The following CERKL variants were observed in gnomAD, a reference collection of about 807,000 sequenced individuals.
CERKL encodes ceramide kinase-like protein.
Under a neutral mutation model 63.4 loss-of-function variants are expected in CERKL, and 61 were observed. That is an observed-to-expected ratio of 0.96 (90% CI 0.78 to 1.19). The LOEUF (loss-of-function observed/expected upper bound fraction) is 1.19, where lower values mean the gene tolerates loss of function less well. CERKL is among the 50% of genes most tolerant of loss of function. CERKL has a pLI of 0.00. For missense variants in CERKL, 675 were observed against 655.5 expected, an observed-to-expected ratio of 1.03 and a Z score of -0.33; for synonymous variants, 250 against 230.5, an observed-to-expected ratio of 1.08 and a Z score of -0.77.
At chr2:181,631,817 AGT>A (rs1686972701) in intron 1 of CERKL, among the ~76,000 whole-genome samples, 2 of 152,226 alleles carry the variant, frequency 1.3e-5, no homozygotes, top group South Asian at 2.1e-4. Context: ...GTTTATTCTG[AGT>A]TTCTCTAAAG....
At chr2:181,588,046 T>C (rs557752608) in intron 2 of CERKL, among the ~76,000 whole-genome samples, 4 of 152,320 alleles carry the variant, frequency 2.6e-5, no homozygotes, top group Non-Finnish European at 2.9e-5. Flanking sequence ...GAAATATATA[T>C]ACATTGTGAA....
intron 1 of CERKL, among the ~76,000 whole-genome samples, chr2:181,642,592 T>A (rs1687491252): frequency 6.6e-6 from 1 of 152,210 alleles, no homozygotes; most frequent in Non-Finnish European, 1.5e-5. Context: ...GATTTTCTAG[T>A]CACTGCTCTA....
At chr2:181,609,533 T>TAAAAAAAAAAAAAA (rs869037405) in intron 1 of CERKL, among the ~76,000 whole-genome samples, 42 of 70,216 alleles carry the variant, frequency 6.0e-4, no homozygotes, top group South Asian at 1.5e-3. Flanking sequence ...CTGTCTCTAC[T>TAAAAAAAAAAAAAA]AAAAAAAAAA....
At chr2:181,542,006 G>C (rs1234063380) in intron 11 of CERKL, among the ~76,000 whole-genome samples, 1 of 152,220 alleles carries the variant, frequency 6.6e-6, no homozygotes, top group African/African-American at 2.4e-5. Flanking sequence ...ATGATGTTCA[G>C]ACAGTTCAAA....
rs201627201 is a variant in CERKL, at chr2:181,537,340, A to G, written c.*844T>C. The G allele has an allele frequency of 1.1e-4, 50 of 453,890 alleles. No homozygotes were observed. The highest frequency in any genetic ancestry group is 7.4e-4 in the South Asian group (48 of 64,478). 28.1% of individuals were successfully genotyped at this position (453,890 alleles called of 1,614,324 possible). ...GAAAGCAGAGTACTATGGTTGTCCA[A>G]CACAGGCCTCTCAGATACAAGGGGA... On this transcript the variant is annotated 3_prime_UTR_variant, in exon 13 of 13. Transcript: ENST00000410087.
rs1161086741 is a variant in CERKL, at chr2:181,566,210, A to C, written c.614-89T>G. On this transcript the variant is annotated intron_variant, in intron 3 of 12. Coordinates refer to ENST00000410087, the MANE Select transcript of CERKL (RefSeq NM_201548.5). ...CTTGTTCTGGCAAAATAATATGATA[A>C]ACATATGGTCAAGTCATAAAACAGC... is the stretch of plus-strand genomic sequence containing the variant. 5 of 932,692 alleles carry C rather than the reference A, an allele frequency of 5.4e-6. No homozygotes were observed. The East Asian group carries it at 1.2e-4, about 23-fold the overall frequency. 57.8% of individuals were successfully genotyped at this position (932,692 alleles called of 1,614,324 possible).
intron 3 of CERKL, among the ~76,000 whole-genome samples, chr2:181,571,335 G>C (rs959803711): frequency 2.6e-5 from 4 of 151,986 alleles, no homozygotes; most frequent in Non-Finnish European, 5.9e-5. Flanking sequence ...ATATTCTATT[G>C]TTTTATGTTT....
intron 1 of CERKL, among the ~76,000 whole-genome samples, chr2:181,646,884 T>C (rs944461425): frequency 6.6e-6 from 1 of 151,980 alleles, no homozygotes; most frequent in Non-Finnish European, 1.5e-5. Context: ...GGTGAACTAA[T>C]GGAGATGGTC....
intron 1 of CERKL, among the ~76,000 whole-genome samples, chr2:181,644,463 A>G (rs190106379): frequency 5.6e-4 from 86 of 152,382 alleles, no homozygotes; most frequent in African/African-American, 1.9e-3. Context: ...ACTGTAGTCA[A>G]TGAAAAAGAT....
At chr2:181,592,833 AC>A (rs1685043968) in intron 2 of CERKL, among the ~76,000 whole-genome samples, 1 of 152,218 alleles carries the variant, frequency 6.6e-6, no homozygotes, top group African/African-American at 2.4e-5. Flanking sequence ...GAAACACAGT[AC>A]ATTCCATGAC....
At chr2:181,631,147 A>AGAATTTCT (rs1686938936) in intron 1 of CERKL, among the ~76,000 whole-genome samples, 1 of 152,266 alleles carries the variant, frequency 6.6e-6, no homozygotes, top group African/African-American at 2.4e-5. Flanking sequence ...ACCATTTACA[A>AGAATTTCT]GAATTTCTCA....
At chr2:181,539,390 G>C in intron 11 of CERKL, 126 bp from the exon 12 acceptor site, 1 of 661,140 alleles carries the variant, frequency 1.5e-6, no homozygotes, top group Non-Finnish European at 2.6e-6. Flanking sequence ...ATAGCTTTGA[G>C]ACTATGAACA....
intron 2 of CERKL, among the ~76,000 whole-genome samples, chr2:181,590,083 T>C (rs549118720): frequency 2.1e-4 from 32 of 152,058 alleles, no homozygotes; most frequent in African/African-American, 7.7e-4. Flanking sequence ...TGACCTCCCA[T>C]AGTGCTGAGA....
intron 2 of CERKL, among the ~76,000 whole-genome samples, chr2:181,600,494 G>A (rs1367909975): frequency 6.6e-6 from 1 of 151,926 alleles, no homozygotes; most frequent in African/African-American, 2.4e-5. Context: ...TGACAACCAT[G>A]GGCTCAAAGT....
At chr2:181,548,241 G>A (rs57268345) in intron 8 of CERKL, 47,424 of 504,148 alleles carry the variant, frequency 0.094, 2,657 homozygotes, top group South Asian at 0.14. Flanking sequence ...AAAAGGGAAA[G>A]GGAAAAGGAA....
At chr2:181,596,715 G>C (rs1559096332) in intron 2 of CERKL, among the ~76,000 whole-genome samples, 1 of 152,090 alleles carries the variant, frequency 6.6e-6, no homozygotes, top group Non-Finnish European at 1.5e-5. Context: ...GGCATTCAGG[G>C]TTCTACATAA....
intron 1 of CERKL, among the ~76,000 whole-genome samples, chr2:181,647,147 A>C (rs1419232592): frequency 6.6e-6 from 1 of 152,216 alleles, no homozygotes; most frequent in African/African-American, 2.4e-5. Flanking sequence ...GTTTGCCTTC[A>C]ATAGAGATGA....
At chr2:181,618,779 G>A (rs1456189311) in intron 1 of CERKL, among the ~76,000 whole-genome samples, 11 of 152,026 alleles carry the variant, frequency 7.2e-5, no homozygotes, top group Non-Finnish European at 1.5e-5. Flanking sequence ...AAATATCAAT[G>A]GTTATAACTT....
intron 1 of CERKL, among the ~76,000 whole-genome samples, chr2:181,648,115 A>C (rs528640014): frequency 6.6e-6 from 1 of 152,334 alleles, no homozygotes; most frequent in East Asian, 1.9e-4. Flanking sequence ...AACCTATTTA[A>C]TGAAATAATA....
Sources: gnomAD v4.1 joint callset for allele counts (sites outside exome capture counted in the v4.1 genomes callset) on GRCh38, gnomAD v4.1.1 for gene constraint, MANE v1.5 for transcripts, NCBI Gene and HGNC (gene_info 2026-07-23, HGNC 2026-07-21) for gene names.